The following HCN4 variants were observed in gnomAD, a reference collection of about 807,000 sequenced individuals.
HCN4 encodes the protein hyperpolarization activated cyclic nucleotide gated potassium channel 4.
In HCN4, 29 loss-of-function variants were observed where a neutral mutation model predicts 76.9. That is an observed-to-expected ratio of 0.38 (90% CI 0.28 to 0.51). The LOEUF (loss-of-function observed/expected upper bound fraction) is 0.51, where lower values mean the gene tolerates loss of function less well. Among genes scored for constraint, HCN4 ranks in the 20% least tolerant of loss-of-function variants. The pLI is 0.90. For synonymous variants in HCN4, 772 were observed against 762.5 expected (o/e 1.01, Z -0.21); for missense variants, 1,416 against 1,715.2 (o/e 0.83, Z 3.08).
At chr15:73,360,882 C>T (rs1942730589) in intron 1 of HCN4, among the ~76,000 whole-genome samples, 1 of 152,148 alleles carries the variant, frequency 6.6e-6, no homozygotes, top group Admixed American at 6.5e-5. Context: ...GCATGAATGA[C>T]GTGGCTGGGT....
chr15:73,343,877 A>G lies in HCN4; in HGVS notation c.786-69T>C. On this transcript the variant is annotated intron_variant, in intron 1 of 7. Coordinates refer to ENST00000261917, the MANE Select transcript of HCN4 (RefSeq NM_005477.3). The surrounding 1 kb of genome is among the most constrained non-coding windows in gnomAD (Gnocchi z 5.7). The stretch of plus-strand genomic sequence containing the variant: ...ACAAGTTACAGACTAAGGGAGGAAG[A>G]TCTGAGGGACAGCATCTGGGACAGA... 6.6e-7 allele frequency: 1 copy of G among 1,524,944 alleles called. No individual in the cohort carries two copies. Among genetic ancestry groups the G allele is most frequent in the Non-Finnish European group, 9.1e-7 (1 of 1,102,132 alleles). 94.5% of individuals were successfully genotyped at this position (1,524,944 alleles called of 1,614,324 possible).
rs145731820 is a variant in HCN4 at position 73,359,455 on chromosome 15, G to T, written c.785+8031C>A. Among the ~76,000 whole-genome samples, 767 of 152,318 alleles carry T rather than the reference G, an allele frequency of 5.0e-3. 4 individuals are homozygous for T. Among genetic ancestry groups the T allele is most frequent in the Middle Eastern group, 6.8e-3 (2 of 294 alleles). On this transcript the variant is annotated intron_variant, in intron 1 of 7. Coordinates refer to ENST00000261917, the MANE Select transcript of HCN4 (RefSeq NM_005477.3). Reference sequence around the variant, plus strand: ...TACCTCCCAGAGAGGACCAGAGGCAGCTGGCTCAGATACTAAGAGGTGTAG... The same window carrying T: ...TACCTCCCAGAGAGGACCAGAGGCATCTGGCTCAGATACTAAGAGGTGTAG...
intron 1 of HCN4, among the ~76,000 whole-genome samples, chr15:73,362,454 C>T (rs553334360): frequency 6.6e-6 from 1 of 152,340 alleles, no homozygotes; most frequent in Admixed American, 6.5e-5. Context: ...CATCTCAGGC[C>T]CCATCCAGAC....
Position 73,332,114 on chromosome 15 carries a change from G to A in HCN4, c.1371+17C>T, listed in dbSNP as rs752629535. On this transcript the variant is annotated intron_variant, in intron 3 of 7. Coordinates refer to ENST00000261917, the MANE Select transcript of HCN4 (RefSeq NM_005477.3). Reference sequence around the variant, plus strand: ...CCGCCTATGGCCCAGAGAGAGGACCGGGCTGGGCGCACTCACCACCATGTT... The same window carrying A: ...CCGCCTATGGCCCAGAGAGAGGACCAGGCTGGGCGCACTCACCACCATGTT... The A allele has an allele frequency of 7.4e-6, 12 of 1,612,446 alleles. No homozygotes were observed. Among genetic ancestry groups the A allele is most frequent in the South Asian group, 2.2e-5 (2 of 91,008 alleles).
chr15:73,358,942 A>T (rs1197974928), intron 1 of HCN4, among the ~76,000 whole-genome samples: 3 of 152,160 alleles, frequency 2.0e-5, no homozygotes, highest in Non-Finnish European at 4.4e-5. Context: ...TAGTGAAAGC[A>T]GTCTTGGAAT....
At chr15:73,352,261 G>A (rs573733622) in intron 1 of HCN4, among the ~76,000 whole-genome samples, 8 of 148,844 alleles carry the variant, frequency 5.4e-5, no homozygotes, top group East Asian at 1.9e-4. Context: ...TCAGGAGTGC[G>A]TGCCAAAGGC....
At chr15:73,336,438 T>G (rs1383107445) in intron 2 of HCN4, among the ~76,000 whole-genome samples, 5 of 152,144 alleles carry the variant, frequency 3.3e-5, no homozygotes, top group African/African-American at 1.2e-4. Context: ...TTTCAAGCCC[T>G]GGGATACCCC....
chr15:73,330,847 G>A (rs2042928537), intron 3 of HCN4, among the ~76,000 whole-genome samples: 1 of 152,236 alleles, frequency 6.6e-6, no homozygotes, highest in African/African-American at 2.4e-5. Context: ...AGGGGTGGAA[G>A]AGACCTGGGT....
In HCN4 at chr15:73,368,625, T is replaced by A; in HGVS notation, c.-355A>T. 2 of 162,520 alleles carry A rather than the reference T, an allele frequency of 1.2e-5. No homozygotes were observed. Among genetic ancestry groups the A allele is most frequent in the African/African-American group, 2.4e-5 (1 of 41,926 alleles). The allele number at this position is 162,520 out of a possible 1,614,324, so 10.1% of individuals were successfully genotyped here. ...CAATGGGCGCCGGCCGGAGAGGCTC[T>A]GCGGCCGCGGCGCTCAGGGAACCGC... On this transcript the variant is annotated 5_prime_UTR_variant, in exon 1 of 8. Transcript: ENST00000261917. The surrounding 1 kb of genome is among the most constrained non-coding windows in gnomAD (Gnocchi z 6.9).
chr15:73,343,718 G>A lies in HCN4; in HGVS notation c.876C>T (p.Thr292=). 3 of 1,614,128 alleles carry A rather than the reference G, an allele frequency of 1.9e-6. No individual in the cohort carries two copies. Among genetic ancestry groups the A allele is most frequent in the Non-Finnish European group, 8.5e-7 (1 of 1,180,004 alleles). Residue 292 remains threonine, a synonymous_variant, in exon 2 of 8, where the codon ACC becomes ACT. Transcript: ENST00000261917. The surrounding 1 kb of genome is among the most constrained non-coding windows in gnomAD (Gnocchi z 5.7). ...CCACATTGAAGACAATCCAGGGTGTGGTGTTCTCATCCTTGAAGAAGGTGA... is the reference window on the plus strand; with the variant it reads ...CCACATTGAAGACAATCCAGGGTGTAGTGTTCTCATCCTTGAAGAAGGTGA... ...VGITFFKDEN[T]TPWIVFNVVS... is the part of the protein sequence containing the mutation.
At chr15:73,362,315 G>C (rs1027725744) in intron 1 of HCN4, among the ~76,000 whole-genome samples, 2 of 152,230 alleles carry the variant, frequency 1.3e-5, no homozygotes, top group African/African-American at 2.4e-5. Context: ...TGCCCTCAGG[G>C]AGCTCAGTTT....
At chr15:73,339,672 G>T (rs1259182283) in intron 2 of HCN4, among the ~76,000 whole-genome samples, 2 of 152,186 alleles carry the variant, frequency 1.3e-5, no homozygotes, top group African/African-American at 2.4e-5. Context: ...ACTCATAGAG[G>T]GACTTGAAAG....
Position 73,323,189 on chromosome 15 carries a change from C to A in HCN4, c.2904G>T (p.Pro968=). Residue 968 remains proline, a synonymous_variant, in exon 8 of 8, where the codon CCG becomes CCT. Transcript: ENST00000261917. The part of the protein sequence containing the change: ...FLPPPPSSRS[P]SSSPGQLGQP... ...GGCCCAGCTGCCCGGGGCTAGATGA[C>A]GGGGATCTGGATGAGGGTGGGGGTG... 1 of 1,545,152 alleles carries A rather than the reference C, an allele frequency of 6.5e-7. No homozygotes were observed. The highest frequency in any genetic ancestry group is 1.3e-5 in the South Asian group (1 of 79,802).
chr15:73,321,448 G>A lies in HCN4; in HGVS notation c.*1033C>T, dbSNP rs766510922. 4 of 152,342 alleles carry A rather than the reference G, an allele frequency of 2.6e-5. No individual in the cohort carries two copies. The highest frequency in any genetic ancestry group is 4.4e-5 in the Non-Finnish European group (3 of 68,044). 9.4% of individuals were successfully genotyped at this position (152,342 alleles called of 1,614,324 possible). Reference sequence around the variant, plus strand: ...CCTCTGCTAAATGGGGAGAATCAAAGTACCCACCCCATGGTCTTTGTGAAA... The same window carrying A: ...CCTCTGCTAAATGGGGAGAATCAAAATACCCACCCCATGGTCTTTGTGAAA... On this transcript the variant is annotated 3_prime_UTR_variant, in exon 8 of 8. Transcript: ENST00000261917.
intron 1 of HCN4, among the ~76,000 whole-genome samples, chr15:73,347,406 C>T (rs2043034399): frequency 6.6e-6 from 1 of 152,130 alleles, no homozygotes; most frequent in African/African-American, 2.4e-5. Flanking sequence ...AGGCAGCCTA[C>T]CACAGCAGGT....
rs2042913402 is a variant in HCN4, at chr15:73,328,415, G to GAGTT, written c.1590+1154_1590+1157dup. On this transcript the variant is annotated intron_variant, in intron 4 of 7. Coordinates refer to ENST00000261917, the MANE Select transcript of HCN4 (RefSeq NM_005477.3). The surrounding 1 kb of genome is among the most constrained non-coding windows in gnomAD (Gnocchi z 4.0). ...TGCCAGGCTGGGAAAACATGCTGAGGAGTTAATCTACATCTTCAGAGCAAC... is the reference window on the plus strand; with the variant it reads ...TGCCAGGCTGGGAAAACATGCTGAGGAGTTAGTTAATCTACATCTTCAGAGCAAC... Among the ~76,000 whole-genome samples, 2 of 151,978 alleles carry GAGTT rather than the reference G, an allele frequency of 1.3e-5. No individual in the cohort carries two copies. Among genetic ancestry groups the GAGTT allele is most frequent in the Admixed American group, 1.3e-4 (2 of 15,248 alleles).
intron 2 of HCN4, chr15:73,341,071 T>TGG (rs1555477065): frequency 5.4e-5 from 1 of 18,620 alleles, no homozygotes; most frequent in Non-Finnish European, 4.1e-4. Context: ...GGGAGGTAGG[T>TGG]GTGTGTGTGT....
chr15:73,368,055 G>A lies in HCN4; in HGVS notation c.216C>T (p.Leu72=), dbSNP rs1368728523. Residue 72 remains leucine, a synonymous_variant, in exon 1 of 8, where the codon CTC becomes CTT. Transcript: ENST00000261917. The surrounding 1 kb of genome is among the most constrained non-coding windows in gnomAD (Gnocchi z 6.9). Reference sequence around the variant, plus strand: ...CCGGCCCTTCGCTGTCCGCTGCCCCGAGGGCCGAGCTCCGGGACTCCGTGC... The same window carrying A: ...CCGGCCCTTCGCTGTCCGCTGCCCCAAGGGCCGAGCTCCGGGACTCCGTGC... ...AGGTESRSSA[L]GAADSEGPAR... 1 of 1,477,708 alleles carries A rather than the reference G, an allele frequency of 6.8e-7. No homozygotes were observed. Among genetic ancestry groups the A allele is most frequent in the Non-Finnish European group, 8.9e-7 (1 of 1,120,032 alleles). The allele number at this position is 1,477,708 out of a possible 1,614,324, so 91.5% of individuals were successfully genotyped here.
chr15:73,345,382 G>A (rs1468623565), intron 1 of HCN4, among the ~76,000 whole-genome samples: 4 of 152,122 alleles, frequency 2.6e-5, no homozygotes, highest in African/African-American at 7.2e-5. Context: ...TGGGGGATAA[G>A]GCCGGATGCC....
Sources: gnomAD v4.1 joint callset for allele counts (sites outside exome capture counted in the v4.1 genomes callset) on GRCh38, gnomAD v4.1.1 for gene constraint, Gnocchi (gnomAD v3.1) non-coding constraint, MANE v1.5 for transcripts, NCBI Gene and HGNC (gene_info 2026-07-23, HGNC 2026-07-21) for gene names.